TMEM178B: variants seen among roughly 807,000 people sequenced by gnomAD.
The protein encoded by TMEM178B is transmembrane protein 178B.
A neutral mutation model predicts 31.0 loss-of-function variants in TMEM178B; 5 were observed. The observed-to-expected ratio is 0.16, with a 90% confidence interval of 0.08 to 0.34. The LOEUF is 0.34. Among genes scored for constraint, TMEM178B ranks in the 10% least tolerant of loss-of-function variants. The pLI, the probability that TMEM178B is intolerant of heterozygous loss-of-function variation, is 1.00. For missense variants in TMEM178B, 275 were observed against 400.3 expected (o/e 0.69, Z 2.67); for synonymous variants, 164 against 164.0 (o/e 1.00, Z 0.00).
intron 1 of TMEM178B, among the ~76,000 whole-genome samples, chr7:141,162,599 A>T (rs1291888979): frequency 1.3e-5 from 2 of 152,224 alleles, no homozygotes; most frequent in Non-Finnish European, 2.9e-5. Flanking sequence ...ACCAATGCAT[A>T]GTTAGGAAAG....
intron 1 of TMEM178B, among the ~76,000 whole-genome samples, chr7:141,184,659 C>A (rs1204729202): frequency 6.6e-6 from 1 of 152,114 alleles, no homozygotes; most frequent in Non-Finnish European, 1.5e-5. Flanking sequence ...TGTTAAACTT[C>A]TCTTCTCTAG....
chr7:141,126,317 G>A (rs1795496051), intron 1 of TMEM178B, among the ~76,000 whole-genome samples: 1 of 152,196 alleles, frequency 6.6e-6, no homozygotes, highest in African/African-American at 2.4e-5. Flanking sequence ...TGGAGGAGGT[G>A]AATGGGAGAT....
Position 141,074,731 on chromosome 7 carries a change from C to G in TMEM178B, c.382+39C>G, listed in dbSNP as rs1014453776. 5.5e-5 allele frequency: 79 copies of G among 1,443,902 alleles called. No homozygotes were observed. The highest frequency in any genetic ancestry group is 7.2e-5 in the African/African-American group (5 of 69,894). The allele number at this position is 1,443,902 out of a possible 1,614,324, so 89.4% of individuals were successfully genotyped here. On this transcript the variant is annotated intron_variant, in intron 1 of 3. Coordinates refer to ENST00000565468, the MANE Select transcript of TMEM178B (RefSeq NM_001195278.2). This position sits in a 1 kb window ranked among gnomAD's most constrained non-coding sequence, Gnocchi z 5.1. ...GCAAGGCGTGGCGCTGCGGAGAGCC[C>G]GGCGCCTTTAGGCCCCGCAGCCCCT...
chr7:141,212,553 G>C (rs1178857860), intron 1 of TMEM178B, 38 bp from the exon 2 acceptor site: 3 of 1,506,916 alleles, frequency 2.0e-6, no homozygotes, highest in African/African-American at 2.8e-5. Flanking sequence ...TGTGGTTGCT[G>C]CTTCCTTAAC....
At chr7:141,166,225 C>A (rs916750106) in intron 1 of TMEM178B, among the ~76,000 whole-genome samples, 1 of 152,194 alleles carries the variant, frequency 6.6e-6, no homozygotes, top group Non-Finnish European at 1.5e-5. Flanking sequence ...CCACAGTGCT[C>A]TCTAAGGGGC....
rs1299193220 is a variant in TMEM178B at position 141,473,814 on chromosome 7, G to C, written c.*3028G>C. 1 of 152,222 alleles carries C rather than the reference G, an allele frequency of 6.6e-6. No individual in the cohort carries two copies. The highest frequency in any genetic ancestry group is 6.5e-5 in the Admixed American group (1 of 15,282). The allele number at this position is 152,222 out of a possible 1,614,324, so 9.4% of individuals were successfully genotyped here. A position where few individuals can be genotyped will look rare whatever the true frequency, so the allele number is the denominator to read the frequency against. ...AGGCCCCTTTCAGACGGCAAGTCCT[G>C]GCCAATGGGAGGACTTCTCAGGTGA... On this transcript the variant is annotated 3_prime_UTR_variant, in exon 4 of 4. Transcript: ENST00000565468.
chr7:141,201,237 G>A (rs1442701087), intron 1 of TMEM178B, among the ~76,000 whole-genome samples: 1 of 152,230 alleles, frequency 6.6e-6, no homozygotes, highest in East Asian at 1.9e-4. Flanking sequence ...GGCCAGAGCT[G>A]TGACACCAGA....
intron 1 of TMEM178B, among the ~76,000 whole-genome samples, chr7:141,161,587 TG>T (rs1467954520): frequency 6.6e-6 from 1 of 151,770 alleles, no homozygotes; most frequent in African/African-American, 2.4e-5. Context: ...AAGGCCTGGG[TG>T]GGTTGAGGGA....
chr7:141,435,597 G>A (rs1213426841), intron 2 of TMEM178B, among the ~76,000 whole-genome samples: 1 of 152,292 alleles, frequency 6.6e-6, no homozygotes, highest in East Asian at 1.9e-4. Flanking sequence ...GGAGAGGACG[G>A]CACAGATGAT....
chr7:141,266,062 T>G (rs565554410), intron 2 of TMEM178B, among the ~76,000 whole-genome samples: 1 of 152,336 alleles, frequency 6.6e-6, no homozygotes, highest in East Asian at 1.9e-4. Context: ...CTGGAGCACA[T>G]CAGCTCTTCT....
intron 1 of TMEM178B, among the ~76,000 whole-genome samples, chr7:141,092,609 G>A (rs543248146): frequency 1.2e-4 from 19 of 152,240 alleles, no homozygotes; most frequent in African/African-American, 4.6e-4. Flanking sequence ...TTGTACAGGG[G>A]GCTTAGGATG....
chr7:141,274,988 A>C (rs566488275), intron 2 of TMEM178B, among the ~76,000 whole-genome samples: 1 of 152,346 alleles, frequency 6.6e-6, no homozygotes, highest in South Asian at 2.1e-4. Flanking sequence ...TTTAAGTTTT[A>C]TCTCTCAAGA....
the TMEM178B span, among the ~76,000 whole-genome samples, chr7:141,506,319 A>G: frequency 4.6e-5 from 7 of 152,248 alleles, no homozygotes; most frequent in Non-Finnish European, 8.8e-5. Context: ...TTGTTTTCAC[A>G]CTGCTAATAA....
At chr7:141,141,893 T>C (rs1795775273) in intron 1 of TMEM178B, among the ~76,000 whole-genome samples, 1 of 152,258 alleles carries the variant, frequency 6.6e-6, no homozygotes, top group South Asian at 2.1e-4. Flanking sequence ...ATTGTGTTGA[T>C]GTTTATATTC....
chr7:141,260,214 C>A (rs1221111701), intron 2 of TMEM178B, among the ~76,000 whole-genome samples: 1 of 151,900 alleles, frequency 6.6e-6, no homozygotes, highest in Non-Finnish European at 1.5e-5. Context: ...GCAGTATACT[C>A]CAAATCAAGC....
chr7:141,446,230 T>G (rs1199824755), intron 3 of TMEM178B, among the ~76,000 whole-genome samples: 1 of 152,186 alleles, frequency 6.6e-6, no homozygotes. Flanking sequence ...GTTTCACCTT[T>G]GCCACCCAAT....
intron 2 of TMEM178B, among the ~76,000 whole-genome samples, chr7:141,359,534 T>G (rs1799880898): frequency 3.3e-5 from 5 of 152,222 alleles, no homozygotes; most frequent in Admixed American, 3.3e-4. Flanking sequence ...AAGCTATTCT[T>G]ACAAGGGTTA....
At chr7:141,270,091 TA>T (rs199650238) in intron 2 of TMEM178B, among the ~76,000 whole-genome samples, 14 of 151,492 alleles carry the variant, frequency 9.2e-5, no homozygotes, top group East Asian at 7.8e-4. Flanking sequence ...AAAAAACTCA[TA>T]AAAAAAACAC....
intron 2 of TMEM178B, among the ~76,000 whole-genome samples, chr7:141,321,992 C>T (rs747816933): frequency 5.8e-5 from 7 of 121,130 alleles, no homozygotes; most frequent in African/African-American, 1.3e-4. Flanking sequence ...TGGAGCTCCT[C>T]GTTCTGTTTT....
Sources: allele counts gnomAD v4.1 joint callset (sites outside exome capture counted in the v4.1 genomes callset), GRCh38; gene constraint gnomAD v4.1.1; non-coding constraint Gnocchi (gnomAD v3.1); transcripts MANE v1.5; gene names NCBI Gene and HGNC (gene_info 2026-07-23, HGNC 2026-07-21).